CD8B: variants seen among roughly 807,000 people sequenced by gnomAD.
The protein encoded by CD8B is T-cell surface glycoprotein CD8 beta chain.
In CD8B, 6 loss-of-function variants were observed where a neutral mutation model predicts 24.2. The observed-to-expected ratio is 0.25, with a 90% CI of 0.14 to 0.49. CD8B has a LOEUF of 0.49. CD8B is among the 20% of genes least tolerant of loss of function. The probability of loss-of-function intolerance (pLI) is 0.98; values close to 1 mark genes in which losing one functional copy is unlikely to be tolerated. For synonymous variants in CD8B, 84 were observed against 108.3 expected (o/e 0.78, Z 1.39); for missense variants, 196 against 271.3 (o/e 0.72, Z 1.95).
rs1162563591 is a variant in CD8B, at chr2:86,839,869, T to G, written c.*2438A>C. 6.6e-6 allele frequency among the ~76,000 whole-genome samples: 1 copy of G among 152,160 alleles called. No homozygotes were observed. Among genetic ancestry groups the G allele is most frequent in the African/African-American group, 2.4e-5 (1 of 41,434 alleles). On this transcript the variant is annotated 3_prime_UTR_variant, in exon 6 of 6. Transcript: ENST00000390655. ...TGCAGGCCTTAATCTCTTATTTGTTTGTGATGGGCCGGGTGAGGGGCCCAC... is the reference window on the plus strand; with the variant it reads ...TGCAGGCCTTAATCTCTTATTTGTTGGTGATGGGCCGGGTGAGGGGCCCAC...
downstream of CD8B, among the ~76,000 whole-genome samples, chr2:86,834,689 C>T (rs954984811): frequency 6.6e-6 from 1 of 152,170 alleles, no homozygotes; most frequent in Non-Finnish European, 1.5e-5. Context: ...GAAATCTCAG[C>T]ACTTTGGGAG....
At chr2:86,834,488 A>ACACACACAC (rs199775749), downstream of CD8B, among the ~76,000 whole-genome samples, 2 of 142,224 alleles carry the variant, frequency 1.4e-5, no homozygotes, top group African/African-American at 5.2e-5. Context: ...ACACACACAC[A>ACACACACAC]AAAGTCTTAA....
At chr2:86,833,195 CT>C (rs878931885), downstream of CD8B, among the ~76,000 whole-genome samples, 5,094 of 137,966 alleles carry the variant, frequency 0.037, 86 homozygotes, top group Admixed American at 0.061. Context: ...GTTAATCTGT[CT>C]TTTTTTTTTT....
chr2:86,846,214 T>C (rs1261582901), intron 4 of CD8B, among the ~76,000 whole-genome samples: 1 of 151,940 alleles, frequency 6.6e-6, no homozygotes, highest in South Asian at 2.1e-4. Context: ...GCCTCATCAA[T>C]ATCGGTGTCG....
chr2:86,828,169 T>C (rs960920059), intron 5 of CD8B, among the ~76,000 whole-genome samples: 2 of 152,098 alleles, frequency 1.3e-5, no homozygotes, highest in Admixed American at 6.6e-5. Flanking sequence ...TAATAACAAA[T>C]GCTTAATAAA....
At chr2:86,828,105 T>C (rs959660260) in intron 5 of CD8B, among the ~76,000 whole-genome samples, 1 of 152,178 alleles carries the variant, frequency 6.6e-6, no homozygotes, top group Non-Finnish European at 1.5e-5. Flanking sequence ...GAGTACGTAC[T>C]TGCATAAGCG....
chr2:86,858,494 G>T, intron 1 of CD8B, 78 bp from the exon 2 acceptor site: 2 of 1,494,414 alleles, frequency 1.3e-6, no homozygotes, highest in Non-Finnish European at 8.9e-7. Context: ...ACTGAGTCAA[G>T]TGTCAAAGGA....
chr2:86,859,963 G>C (rs1435987316), intron 1 of CD8B, among the ~76,000 whole-genome samples: 1 of 152,054 alleles, frequency 6.6e-6, no homozygotes, highest in Non-Finnish European at 1.5e-5. Context: ...CTTAGCTTTC[G>C]CTCGCATCAA....
intron 5 of CD8B, among the ~76,000 whole-genome samples, chr2:86,822,608 A>C (rs1387533345): frequency 6.6e-6 from 1 of 152,250 alleles, no homozygotes; most frequent in East Asian, 1.9e-4. Context: ...AATGTAAAAA[A>C]TGTTTTTAAA....
chr2:86,846,333 C>T (rs761514443), intron 4 of CD8B, among the ~76,000 whole-genome samples: 2 of 152,172 alleles, frequency 1.3e-5, no homozygotes, highest in Non-Finnish European at 2.9e-5. Flanking sequence ...CTCACTGACA[C>T]GTGCCGGGTG....
intron 5 of CD8B, chr2:86,843,631 T>C (rs1273311613): frequency 1.0e-6 from 1 of 983,434 alleles, no homozygotes; most frequent in Non-Finnish European, 1.2e-6. Context: ...CTATTTACAA[T>C]TTTAGAGTAT....
At chr2:86,842,940 C>T (rs539266058) in intron 5 of CD8B, among the ~76,000 whole-genome samples, 57 of 152,176 alleles carry the variant, frequency 3.7e-4, no homozygotes, top group African/African-American at 1.3e-3. Context: ...CTTGCAAAAG[C>T]ATGAGGTCCT....
At chr2:86,820,224 C>T (rs2104492145) in intron 5 of CD8B, among the ~76,000 whole-genome samples, 1 of 152,308 alleles carries the variant, frequency 6.6e-6, no homozygotes, top group African/African-American at 2.4e-5. Flanking sequence ...AAAGAGGCGT[C>T]AGTATTTGAG....
At chr2:86,848,710 T>TTATTTATTTAATG in intron 3 of CD8B, among the ~76,000 whole-genome samples, 1 of 85,192 alleles carries the variant, frequency 1.2e-5, no homozygotes. Flanking sequence ...AATTATTTAT[T>TTATTTATTTAATG]TATTTATTTA....
chr2:86,818,079 G>A (rs562783521), intron 5 of CD8B, among the ~76,000 whole-genome samples: 1 of 152,010 alleles, frequency 6.6e-6, no homozygotes, highest in Admixed American at 6.6e-5. Context: ...GCGTGGTGGC[G>A]GGCACCTGTG....
chr2:86,829,356 C>T (rs974296060), intron 5 of CD8B, among the ~76,000 whole-genome samples: 1 of 152,110 alleles, frequency 6.6e-6, no homozygotes, highest in Admixed American at 6.6e-5. Flanking sequence ...CTGCCTGTCT[C>T]AGCCTCTCAA....
At position 86,838,326 on chromosome 2, in the gene CD8B, T is replaced by C. The variant is rs1675260625; in HGVS notation, c.*3981A>G. Among the ~76,000 whole-genome samples, 2 of 152,172 alleles carry C rather than the reference T, an allele frequency of 1.3e-5. No individual in the cohort carries two copies. Among genetic ancestry groups the C allele is most frequent in the African/African-American group, 4.8e-5 (2 of 41,446 alleles). On this transcript the variant is annotated 3_prime_UTR_variant, in exon 6 of 6. Coordinates refer to ENST00000390655, the MANE Select transcript of CD8B (RefSeq NM_004931.5). ...CCTTACAGACCTTTTCCTGTACATA[T>C]ACAAACAAATATACCCGGAGGCCTT...
At chr2:86,821,821 C>G (rs567832095) in intron 5 of CD8B, 6 of 336,512 alleles carry the variant, frequency 1.8e-5, no homozygotes, top group African/African-American at 1.3e-4. Flanking sequence ...ATGTTCCGAG[C>G]CCCCTGCTTC....
At chr2:86,851,978 CT>C (rs533627575) in intron 3 of CD8B, among the ~76,000 whole-genome samples, 28 of 152,002 alleles carry the variant, frequency 1.8e-4, no homozygotes, top group East Asian at 7.7e-4. Flanking sequence ...AAACTGGAAA[CT>C]TTTTTTTGAG....
Sources: allele counts gnomAD v4.1 joint callset (sites outside exome capture counted in the v4.1 genomes callset), GRCh38; gene constraint gnomAD v4.1.1; transcripts MANE v1.5; gene names NCBI Gene and HGNC (gene_info 2026-07-23, HGNC 2026-07-21).